Variants in FGF2 observed in about 807,000 individuals in gnomAD.
FGF2 encodes fibroblast growth factor 2.
FGF2 carries 13 observed loss-of-function variants against 15.9 expected under a neutral mutation model. That is an observed-to-expected ratio of 0.82 (90% CI 0.53 to 1.30). The LOEUF is 1.30. Among genes scored for constraint, FGF2 ranks in the 50% most tolerant of loss-of-function variants. The pLI, the probability that FGF2 is intolerant of heterozygous loss-of-function variation, is 0.00. For missense variants in FGF2, 163 were observed against 196.9 expected, an observed-to-expected ratio of 0.83 and a Z score of 1.03; for synonymous variants, 90 against 78.4, an observed-to-expected ratio of 1.15 and a Z score of -0.78.
At position 122,897,401 on chromosome 4, in the gene FGF2, G is replaced by A. The variant is rs41278093; in HGVS notation, c.*5005G>A. Reference sequence around the variant, plus strand: ...AGAAGCAGTCATAAACAGAAGAATAGGTGGTATGTTCCTAATGATATTATT... The same window carrying A: ...AGAAGCAGTCATAAACAGAAGAATAAGTGGTATGTTCCTAATGATATTATT... On this transcript the variant is annotated 3_prime_UTR_variant, in exon 3 of 3. Coordinates refer to ENST00000644866, the MANE Select transcript of FGF2 (RefSeq NM_001361665.2). 0.11 allele frequency: 57,263 copies of A among 535,150 alleles called. 3,665 individuals carry two copies. Among genetic ancestry groups the A allele is most frequent in the Middle Eastern group, 0.16 (321 of 1,958 alleles). The allele number at this position is 535,150 out of a possible 1,614,324, so 33.2% of individuals were successfully genotyped here. A position where few individuals can be genotyped will look rare whatever the true frequency, so the allele number is the denominator to read the frequency against.
At chr4:122,834,792 A>G (rs1412866034) in intron 1 of FGF2, among the ~76,000 whole-genome samples, 2 of 152,184 alleles carry the variant, frequency 1.3e-5, no homozygotes, top group East Asian at 3.9e-4. Context: ...CCAAAACTCA[A>G]CTGCCTTTAT....
rs1438857320 is a variant in FGF2 at position 122,893,323 on chromosome 4, A to G, written c.*927A>G. 8.6e-7 allele frequency: 1 copy of G among 1,161,346 alleles called. No individual in the cohort carries two copies. The allele number at this position is 1,161,346 out of a possible 1,614,324, so 71.9% of individuals were successfully genotyped here. A position where few individuals can be genotyped will look rare whatever the true frequency, so the allele number is the denominator to read the frequency against. On this transcript the variant is annotated 3_prime_UTR_variant, in exon 3 of 3. Coordinates refer to ENST00000644866, the MANE Select transcript of FGF2 (RefSeq NM_001361665.2). The stretch of plus-strand genomic sequence containing the variant: ...TTAAAGTAGCATTATGTAAAGGCTC[A>G]AAACATTACCCTAACAAAGTAAAGT...
rs112067954 is a variant in FGF2, at chr4:122,892,480, A to G, written c.*84A>G. 1 of 1,600,022 alleles carries G rather than the reference A, an allele frequency of 6.2e-7. No individual in the cohort carries two copies. Among genetic ancestry groups the G allele is most frequent in the Non-Finnish European group, 8.5e-7 (1 of 1,170,770 alleles). On this transcript the variant is annotated 3_prime_UTR_variant, in exon 3 of 3. Transcript: ENST00000644866. ...TGTTAATGAGAGTAAAAGAAAATAA[A>G]TGTGTATAGCTCAGTTTGGATAATT...
chr4:122,888,391 G>C (rs1478470001), intron 2 of FGF2, among the ~76,000 whole-genome samples: 1 of 152,128 alleles, frequency 6.6e-6, no homozygotes, highest in Non-Finnish European at 1.5e-5. Context: ...TTGGCAGCGA[G>C]AATAATCCTA....
intron 1 of FGF2, among the ~76,000 whole-genome samples, chr4:122,847,005 C>T (rs1270003552): frequency 6.6e-6 from 1 of 152,206 alleles, no homozygotes. Flanking sequence ...ACAAGGGGCG[C>T]ATTCCTCACT....
rs888874282 is a variant in FGF2 at position 122,895,619 on chromosome 4, A to G, written c.*3223A>G. Reference sequence around the variant, plus strand: ...GATTTTTTAAGAAGGCAGTTTGTCAATTTTAATCTTGTGGATACCTTTATA... The same window carrying G: ...GATTTTTTAAGAAGGCAGTTTGTCAGTTTTAATCTTGTGGATACCTTTATA... On this transcript the variant is annotated 3_prime_UTR_variant, in exon 3 of 3. Coordinates refer to ENST00000644866, the MANE Select transcript of FGF2 (RefSeq NM_001361665.2). 1 of 152,196 alleles carries G rather than the reference A, an allele frequency of 6.6e-6. No homozygotes were observed. The highest frequency in any genetic ancestry group is 2.4e-5 in the African/African-American group (1 of 41,446). 9.4% of individuals were successfully genotyped at this position (152,196 alleles called of 1,614,324 possible). A position where few individuals can be genotyped will look rare whatever the true frequency, so the allele number is the denominator to read the frequency against.
chr4:122,865,581 G>A (rs1317971592), intron 1 of FGF2, among the ~76,000 whole-genome samples: 1 of 152,082 alleles, frequency 6.6e-6, no homozygotes, highest in African/African-American at 2.4e-5. Flanking sequence ...CACCACGCCT[G>A]GCCTTCTCTG....
intron 1 of FGF2, among the ~76,000 whole-genome samples, chr4:122,865,276 TTTTTG>T: frequency 1.1e-5 from 1 of 93,914 alleles, no homozygotes; most frequent in East Asian, 6.0e-4. Flanking sequence ...TCTCTGTTTT[TTTTTG>T]TTTGTTTGTT....
At chr4:122,864,105 A>T (rs308385) in intron 1 of FGF2, among the ~76,000 whole-genome samples, 5,632 of 152,226 alleles carry the variant, frequency 0.037, 193 homozygotes, top group South Asian at 0.14. Flanking sequence ...TGGGGACTGC[A>T]GCCTAGCCAA....
At chr4:122,870,358 G>T (rs868401303) in intron 1 of FGF2, among the ~76,000 whole-genome samples, 3 of 152,182 alleles carry the variant, frequency 2.0e-5, no homozygotes, top group African/African-American at 7.2e-5. Context: ...AAATTAGGGA[G>T]GAGTCCCTCC....
At chr4:122,886,377 C>A (rs1727060048) in intron 2 of FGF2, among the ~76,000 whole-genome samples, 1 of 152,070 alleles carries the variant, frequency 6.6e-6, no homozygotes. Context: ...GTATTTGTGT[C>A]CACTGTAAAG....
Position 122,893,247 on chromosome 4 carries a change from C to A in FGF2, c.*851C>A, listed in dbSNP as rs189490769. The A allele has an allele frequency of 6.4e-7, 1 of 1,559,514 alleles. No homozygotes were observed. Among genetic ancestry groups the A allele is most frequent in the African/African-American group, 1.4e-5 (1 of 72,656 alleles). ...TCTCCTACGTAAAAAAAGAGATGTA[C>A]AAATCAATAATAATTACACTTTTAG... On this transcript the variant is annotated 3_prime_UTR_variant, in exon 3 of 3. Coordinates refer to ENST00000644866, the MANE Select transcript of FGF2 (RefSeq NM_001361665.2).
At chr4:122,880,877 AG>A (rs1422314846) in intron 2 of FGF2, among the ~76,000 whole-genome samples, 1 of 152,236 alleles carries the variant, frequency 6.6e-6, no homozygotes, top group African/African-American at 2.4e-5. Context: ...CTGCCCTAGC[AG>A]AGGTTCTCCA....
Position 122,826,880 on chromosome 4 carries a change from TG to T in FGF2, c.-294del. On this transcript the variant is annotated 5_prime_UTR_variant, in exon 1 of 3. Transcript: ENST00000644866. ...GCGGTTGCAACGGGATCCCGGGCGC[TG>T]CAGCTTGGGAGGCGGCTCTCCCCAG... 3 of 1,526,316 alleles carry T rather than the reference TG, an allele frequency of 2.0e-6. No individual in the cohort carries two copies. The highest frequency in any genetic ancestry group is 2.6e-6 in the Non-Finnish European group (3 of 1,139,742). The allele number at this position is 1,526,316 out of a possible 1,614,324, so 94.5% of individuals were successfully genotyped here.
intron 1 of FGF2, among the ~76,000 whole-genome samples, chr4:122,862,410 C>T (rs1329027085): frequency 6.6e-6 from 1 of 152,100 alleles, no homozygotes; most frequent in Non-Finnish European, 1.5e-5. Flanking sequence ...GAAGATATTC[C>T]AAAATAGGAG....
chr4:122,835,533 A>G (rs573501254), intron 1 of FGF2, among the ~76,000 whole-genome samples: 8 of 151,936 alleles, frequency 5.3e-5, no homozygotes, highest in South Asian at 4.2e-4. Flanking sequence ...AGAACTTAAC[A>G]CCATTTTCTC....
At chr4:122,832,190 G>C (rs754522266) in intron 1 of FGF2, among the ~76,000 whole-genome samples, 2 of 152,150 alleles carry the variant, frequency 1.3e-5, no homozygotes, top group Non-Finnish European at 2.9e-5. Flanking sequence ...AAGAAGGCTG[G>C]CATGGGATAA....
At chr4:122,829,904 G>A (rs369124713) in intron 1 of FGF2, among the ~76,000 whole-genome samples, 54 of 152,296 alleles carry the variant, frequency 3.5e-4, no homozygotes, top group African/African-American at 1.2e-3. Flanking sequence ...ACCAAACCAT[G>A]AGGAGACCCC....
Position 122,895,072 on chromosome 4 carries a change from C to T in FGF2, c.*2676C>T, listed in dbSNP as rs1041383153. On this transcript the variant is annotated 3_prime_UTR_variant, in exon 3 of 3. Coordinates refer to ENST00000644866, the MANE Select transcript of FGF2 (RefSeq NM_001361665.2). ...GTTTTGATCAGTTTAACTTGAATCA[C>T]TAACTGACTGAAAATTGAATGGGCA... is the stretch of plus-strand genomic sequence containing the variant. 3 of 152,190 alleles carry T rather than the reference C, an allele frequency of 2.0e-5. No homozygotes were observed. The highest frequency in any genetic ancestry group is 7.2e-5 in the African/African-American group (3 of 41,432). 9.4% of individuals were successfully genotyped at this position (152,190 alleles called of 1,614,324 possible).
Sources: allele counts gnomAD v4.1 joint callset (sites outside exome capture counted in the v4.1 genomes callset), GRCh38; gene constraint gnomAD v4.1.1; transcripts MANE v1.5; gene names NCBI Gene and HGNC (gene_info 2026-07-23, HGNC 2026-07-21).